Variants in WDR49 observed in about 807,000 individuals in gnomAD.
WDR49 encodes cilia- and flagella-associated protein 337.
A neutral mutation model predicts 119.5 loss-of-function variants in WDR49; 107 were observed. The observed-to-expected ratio is 0.90, with a 90% CI of 0.77 to 1.05. The LOEUF is 1.05. Ranked by LOEUF, WDR49 falls within the 50% of genes least tolerant of loss-of-function variation. The probability of loss-of-function intolerance (pLI) is 0.00; values close to 1 mark genes in which losing one functional copy is unlikely to be tolerated. For synonymous variants in WDR49, 425 were observed against 418.8 expected, an observed-to-expected ratio of 1.01 and a Z score of -0.18; for missense variants, 1,240 against 1,220.5, an observed-to-expected ratio of 1.02 and a Z score of -0.24.
intron 2 of WDR49, among the ~76,000 whole-genome samples, chr3:167,645,715 A>C (rs1290863084): frequency 6.6e-6 from 1 of 152,150 alleles, no homozygotes; most frequent in Non-Finnish European, 1.5e-5. Context: ...AGTCTTAAAC[A>C]GTCTGTTCTC....
intron 17 of WDR49, among the ~76,000 whole-genome samples, chr3:167,505,017 C>A (rs959461847): frequency 6.6e-6 from 1 of 152,210 alleles, no homozygotes; most frequent in Non-Finnish European, 1.5e-5. Context: ...AAACCTTTTT[C>A]TTTTTAAATA....
intron 2 of WDR49, among the ~76,000 whole-genome samples, chr3:167,638,271 T>A (rs771216579): frequency 1.3e-5 from 2 of 151,534 alleles, no homozygotes; most frequent in Non-Finnish European, 3.0e-5. Flanking sequence ...AAATTGCTCA[T>A]AATTGAATCT....
intron 18 of WDR49, among the ~76,000 whole-genome samples, chr3:167,498,463 GA>G (rs1560251599): frequency 6.6e-6 from 1 of 152,072 alleles, no homozygotes; most frequent in African/African-American, 2.4e-5. Flanking sequence ...GGGAGGGTGA[GA>G]GGGGTAGCCA....
intron 8 of WDR49, among the ~76,000 whole-genome samples, chr3:167,570,484 A>C (rs1467436042): frequency 6.6e-6 from 1 of 152,178 alleles, no homozygotes; most frequent in Non-Finnish European, 1.5e-5. Context: ...GTTTATTATA[A>C]ATTTTGGATA....
intron 10 of WDR49, among the ~76,000 whole-genome samples, chr3:167,554,205 G>A (rs897679354): frequency 5.9e-5 from 9 of 152,020 alleles, no homozygotes; most frequent in East Asian, 3.9e-4. Flanking sequence ...AGTGCCTTTC[G>A]AAAGACATTT....
At chr3:167,485,171 C>A (rs1750873363) in intron 18 of WDR49, among the ~76,000 whole-genome samples, 1 of 151,908 alleles carries the variant, frequency 6.6e-6, no homozygotes. Flanking sequence ...GGGTGGAGAA[C>A]ATCACACACC....
At chr3:167,504,565 A>C (rs919224112) in intron 17 of WDR49, among the ~76,000 whole-genome samples, 5 of 152,242 alleles carry the variant, frequency 3.3e-5, no homozygotes, top group Non-Finnish European at 5.9e-5. Context: ...AGGTGGAAGC[A>C]GCTTACCTTG....
intron 10 of WDR49, among the ~76,000 whole-genome samples, chr3:167,552,650 G>A (rs1223804146): frequency 1.3e-5 from 2 of 151,976 alleles, no homozygotes; most frequent in African/African-American, 2.4e-5. Flanking sequence ...CAAGCAAATG[G>A]ATAACTGAGC....
At chr3:167,480,775 T>C (rs1045089810) in intron 18 of WDR49, among the ~76,000 whole-genome samples, 2 of 152,132 alleles carry the variant, frequency 1.3e-5, no homozygotes, top group Non-Finnish European at 2.9e-5. Flanking sequence ...AGCAGCAGCA[T>C]CTTAGAATGT....
At chr3:167,515,602 A>C (rs1203470377) in intron 16 of WDR49, among the ~76,000 whole-genome samples, 1 of 151,958 alleles carries the variant, frequency 6.6e-6, no homozygotes, top group Non-Finnish European at 1.5e-5. Context: ...CTTTCTCACC[A>C]CTCCTATTCA....
At position 167,624,916 on chromosome 3, in the gene WDR49, C is replaced by T. The variant is rs1717061898; in HGVS notation, c.606+1936G>A. On this transcript the variant is annotated intron_variant, in intron 3 of 18. Coordinates refer to ENST00000682715, the MANE Select transcript of WDR49 (RefSeq NM_001366157.1). ...AAGGCAGCAAAGACTGAAGCATAGGCCTGAAGTTGGGCTGCCTCAGTTTAC... is the reference window on the plus strand; with the variant it reads ...AAGGCAGCAAAGACTGAAGCATAGGTCTGAAGTTGGGCTGCCTCAGTTTAC... Among the ~76,000 whole-genome samples, 5 of 152,162 alleles carry T rather than the reference C, an allele frequency of 3.3e-5. No homozygotes were observed. In the South Asian group the frequency reaches 8.3e-4, roughly 25 times the overall value.
intron 15 of WDR49, among the ~76,000 whole-genome samples, chr3:167,523,376 T>A (rs1043545789): frequency 2.8e-5 from 4 of 144,750 alleles, no homozygotes; most frequent in African/African-American, 1.0e-4. Flanking sequence ...AGGAATGACA[T>A]ACATTCTTTT....
chr3:167,555,697 A>G (rs1408293633), intron 9 of WDR49, among the ~76,000 whole-genome samples: 1 of 152,150 alleles, frequency 6.6e-6, no homozygotes, highest in East Asian at 1.9e-4. Flanking sequence ...GGTGTGTGGG[A>G]AAAATCCCTA....
intron 2 of WDR49, chr3:167,633,263 T>C: frequency 5.7e-6 from 2 of 351,678 alleles, no homozygotes; most frequent in Non-Finnish European, 1.1e-5. Flanking sequence ...TCTGAAATCC[T>C]CTGCTTCTAT....
chr3:167,586,470 G>A (rs758758898), intron 7 of WDR49, among the ~76,000 whole-genome samples: 2 of 152,186 alleles, frequency 1.3e-5, no homozygotes, highest in African/African-American at 2.4e-5. Context: ...TGAAGTTTCA[G>A]ATCATTTTTG....
At chr3:167,486,412 CCTGAATGTAAATGGGCTAAACACCTTA>C (rs1750918055) in intron 18 of WDR49, among the ~76,000 whole-genome samples, 1 of 151,942 alleles carries the variant, frequency 6.6e-6, no homozygotes, top group Admixed American at 6.6e-5. Flanking sequence ...AAGTACTAAC[CCTGAATGTAAATGGGCTAAACACCTTA>C]CTTAAAAGAC....
chr3:167,507,903 G>A (rs1225334122), intron 16 of WDR49, among the ~76,000 whole-genome samples: 4 of 152,182 alleles, frequency 2.6e-5, no homozygotes, highest in Non-Finnish European at 4.4e-5. Context: ...CTGGAAAAAG[G>A]CAAATATTCT....
intron 2 of WDR49, among the ~76,000 whole-genome samples, chr3:167,641,710 A>G (rs1717889418): frequency 6.6e-6 from 1 of 151,970 alleles, no homozygotes; most frequent in South Asian, 2.1e-4. Flanking sequence ...CTTTAGATTT[A>G]AATATTTTCA....
chr3:167,549,089 T>C (rs1171282908), intron 10 of WDR49, among the ~76,000 whole-genome samples: 2 of 152,198 alleles, frequency 1.3e-5, no homozygotes, highest in Admixed American at 6.5e-5. Flanking sequence ...ATCCAGTCTA[T>C]CATTGATGGA....
Sources: allele counts gnomAD v4.1 joint callset (sites outside exome capture counted in the v4.1 genomes callset), GRCh38; gene constraint gnomAD v4.1.1; transcripts MANE v1.5; gene names NCBI Gene and HGNC (gene_info 2026-07-23, HGNC 2026-07-21).